The following CNBD1 variants were observed in gnomAD, a reference collection of about 807,000 sequenced individuals.
The protein encoded by CNBD1 is cyclic nucleotide-binding domain-containing protein 1.
CNBD1 carries 71 observed loss-of-function variants against 54.4 expected under a neutral mutation model. The observed-to-expected ratio is 1.30, with a 90% CI of 1.08 to 1.59. The LOEUF (loss-of-function observed/expected upper bound fraction) is 1.59. Ranked by LOEUF, CNBD1 falls within the 40% of genes most tolerant of loss-of-function variation. CNBD1 has a pLI of 0.00. For synonymous variants in CNBD1, 182 were observed against 170.7 expected (o/e 1.07, Z -0.51); for missense variants, 659 against 518.0 (o/e 1.27, Z -2.64).
chr8:86,904,044 T>G (rs959488167), intron 2 of CNBD1, among the ~76,000 whole-genome samples: 10 of 152,014 alleles, frequency 6.6e-5, no homozygotes, highest in African/African-American at 2.4e-4. Flanking sequence ...ATTTTTAAAG[T>G]CTATAGAATT....
At chr8:87,343,680 A>G (rs550957173) in intron 8 of CNBD1, among the ~76,000 whole-genome samples, 2 of 152,298 alleles carry the variant, frequency 1.3e-5, no homozygotes, top group African/African-American at 2.4e-5. Flanking sequence ...ACACTTTTTC[A>G]TTGCACATTG....
intron 4 of CNBD1, among the ~76,000 whole-genome samples, chr8:87,013,946 A>G (rs1009629517): frequency 6.6e-6 from 1 of 151,758 alleles, no homozygotes; most frequent in Non-Finnish European, 1.5e-5. Flanking sequence ...GTGATGCAAC[A>G]TATTATCAAA....
intron 2 of CNBD1, among the ~76,000 whole-genome samples, chr8:87,408,038 T>C (rs1489220239): frequency 1.3e-5 from 2 of 152,082 alleles, no homozygotes; most frequent in Non-Finnish European, 2.9e-5. Flanking sequence ...TTTAGAAATT[T>C]CTGTTCACTC....
intron 4 of CNBD1, among the ~76,000 whole-genome samples, chr8:87,181,730 C>G (rs1296494410): frequency 6.6e-6 from 1 of 152,058 alleles, no homozygotes; most frequent in African/African-American, 2.4e-5. Context: ...ATACTTAACA[C>G]TCTGTTTATT....
chr8:86,942,291 T>C (rs1392311906), intron 4 of CNBD1, among the ~76,000 whole-genome samples: 1 of 152,208 alleles, frequency 6.6e-6, no homozygotes, highest in Non-Finnish European at 1.5e-5. Flanking sequence ...CTTCTTATTG[T>C]TCTGTAATTA....
intron 4 of CNBD1, among the ~76,000 whole-genome samples, chr8:87,008,084 A>G (rs1289755547): frequency 1.3e-5 from 2 of 152,210 alleles, no homozygotes; most frequent in Non-Finnish European, 2.9e-5. Flanking sequence ...AATTTTATCT[A>G]TACTGACTAC....
At chr8:87,410,899 G>A (rs956263273) in intron 2 of CNBD1, among the ~76,000 whole-genome samples, 1 of 152,076 alleles carries the variant, frequency 6.6e-6, no homozygotes, top group African/African-American at 2.4e-5. Flanking sequence ...AAAAGATTAT[G>A]ACTCACTGAA....
At chr8:87,315,468 G>T (rs1301368746) in intron 8 of CNBD1, among the ~76,000 whole-genome samples, 1 of 151,934 alleles carries the variant, frequency 6.6e-6, no homozygotes, top group Admixed American at 6.6e-5. Flanking sequence ...AGGACCTCAG[G>T]TTGTTTCCAC....
At chr8:87,255,325 G>T (rs1807989378) in intron 6 of CNBD1, among the ~76,000 whole-genome samples, 1 of 152,050 alleles carries the variant, frequency 6.6e-6, no homozygotes, top group South Asian at 2.1e-4. Flanking sequence ...TAAACTCTCT[G>T]CATGTAAAAA....
At chr8:87,323,126 A>G (rs71502680) in intron 8 of CNBD1, among the ~76,000 whole-genome samples, 20,438 of 96,640 alleles carry the variant, frequency 0.21, 2,225 homozygotes, top group Middle Eastern at 0.29. Flanking sequence ...GGTATGCAGC[A>G]TTATTTCTGA....
At position 87,285,727 on chromosome 8, in the gene CNBD1, GGACAT is replaced by G. The variant is rs1401927783; in HGVS notation, c.910-810_910-806del. ...CTCTACTGAAAATACAAAATTAGCCGGACATGGTGGTGCATGCCTGTAATCCCAGC... is the reference window on the plus strand; with the variant it reads ...CTCTACTGAAAATACAAAATTAGCCGGGTGGTGCATGCCTGTAATCCCAGC... On this transcript the variant is annotated intron_variant, in intron 7 of 10. Transcript: ENST00000518476. 5.3e-5 allele frequency among the ~76,000 whole-genome samples: 8 copies of G among 151,794 alleles called. No individual in the cohort carries two copies. In the South Asian group the frequency reaches 8.4e-4, roughly 16 times the overall value.
chr8:87,211,346 C>A (rs1392098766), intron 5 of CNBD1, among the ~76,000 whole-genome samples: 1 of 152,034 alleles, frequency 6.6e-6, no homozygotes, highest in Non-Finnish European at 1.5e-5. Flanking sequence ...AATGATGGAG[C>A]AAGTTAAGAC....
chr8:87,280,825 C>CTTAGTT (rs1808586329), intron 6 of CNBD1, among the ~76,000 whole-genome samples: 2 of 151,390 alleles, frequency 1.3e-5, no homozygotes, highest in African/African-American at 4.8e-5. Context: ...CATGAGAATA[C>CTTAGTT]ATCATTTCTC....
At chr8:87,137,683 A>C (rs1356155587) in intron 4 of CNBD1, among the ~76,000 whole-genome samples, 2 of 152,108 alleles carry the variant, frequency 1.3e-5, no homozygotes, top group Admixed American at 1.3e-4. Flanking sequence ...TTATTGATTT[A>C]TTGATTTTTT....
intron 4 of CNBD1, among the ~76,000 whole-genome samples, chr8:87,132,242 A>T (rs1812132406): frequency 6.6e-6 from 1 of 151,866 alleles, no homozygotes; most frequent in South Asian, 2.1e-4. Flanking sequence ...TAATGGCACT[A>T]ATAACTTTTA....
chr8:87,270,587 A>G (rs1412286629), intron 6 of CNBD1, among the ~76,000 whole-genome samples: 3 of 152,024 alleles, frequency 2.0e-5, no homozygotes, highest in African/African-American at 2.4e-5. Flanking sequence ...CTGAACTACC[A>G]TTCAACCCAG....
At chr8:87,270,970 A>G (rs748919061) in intron 6 of CNBD1, among the ~76,000 whole-genome samples, 1 of 150,952 alleles carries the variant, frequency 6.6e-6, no homozygotes, top group Non-Finnish European at 1.5e-5. Flanking sequence ...GTTTGTTGAG[A>G]TTTTCTATTT....
downstream of CNBD1, among the ~76,000 whole-genome samples, chr8:87,387,710 T>G (rs1010922530): frequency 3.3e-5 from 5 of 152,008 alleles, no homozygotes; most frequent in Middle Eastern, 3.2e-3. Flanking sequence ...GACAGAAAGT[T>G]AACAAGGATA....
intron 8 of CNBD1, among the ~76,000 whole-genome samples, chr8:87,302,051 C>T (rs1809010155): frequency 6.6e-6 from 1 of 152,200 alleles, no homozygotes; most frequent in Non-Finnish European, 1.5e-5. Flanking sequence ...CCGAATTCTA[C>T]CAGAGGTACA....
Sources: allele counts gnomAD v4.1 joint callset (sites outside exome capture counted in the v4.1 genomes callset), GRCh38; gene constraint gnomAD v4.1.1; transcripts MANE v1.5; gene names NCBI Gene and HGNC (gene_info 2026-07-23, HGNC 2026-07-21).